DMD: variants seen among roughly 807,000 people sequenced by gnomAD.
DMD encodes the protein dystrophin, also known as mutant dystrophin.
In DMD, 63 loss-of-function variants were observed where a neutral mutation model predicts 330.1. The ratio of observed to expected loss-of-function variants is 0.19; its 90% CI spans 0.16 to 0.24. The LOEUF is 0.24. Among genes scored for constraint, DMD ranks in the 10% least tolerant of loss-of-function variants. DMD has a pLI of 1.00. For synonymous variants in DMD, 1,223 were observed against 959.8 expected, an observed-to-expected ratio of 1.27 and a Z score of -5.07; for missense variants, 3,344 against 2,684.1, an observed-to-expected ratio of 1.25 and a Z score of -5.43.
At position 32,218,097 on chromosome X, in the gene DMD, G is replaced by A. The variant is rs1006398573; in HGVS notation, c.6291-1034C>T. Among the ~76,000 whole-genome samples the A allele has an allele frequency of 2.7e-5, 3 of 111,352 alleles. No individual in the cohort carries two copies. The East Asian group carries it at 8.5e-4, about 31-fold the overall frequency. On this transcript the variant is annotated intron_variant, in intron 43 of 78. Transcript: ENST00000357033. ...CCTTCCAGTCATAAAAGAGACTGAGGCAGAAATAATATGAACCAGGGCTGT... is the reference window on the plus strand; with the variant it reads ...CCTTCCAGTCATAAAAGAGACTGAGACAGAAATAATATGAACCAGGGCTGT...
chrX:32,290,120 C>A (rs2097460435), intron 42 of DMD, among the ~76,000 whole-genome samples: 1 of 111,743 alleles, frequency 8.9e-6, no homozygotes, highest in African/African-American at 3.3e-5. Flanking sequence ...ATAACAACTA[C>A]ATTCTTGCTT....
intron 7 of DMD, among the ~76,000 whole-genome samples, chrX:32,757,362 C>T (rs2071633958): frequency 9.0e-6 from 1 of 111,549 alleles, no homozygotes; most frequent in African/African-American, 3.3e-5. Context: ...GAGACATACA[C>T]ATTCTATCTA....
intron 73 of DMD, 72 bp from the exon 74 acceptor site, chrX:31,169,673 TG>T: frequency 3.1e-6 from 3 of 972,649 alleles, no homozygotes; most frequent in Non-Finnish European, 4.3e-6. Context: ...GACTCAGGAG[TG>T]TATTTGAAAA....
At chrX:32,373,130 T>G (rs1325212634) in intron 34 of DMD, among the ~76,000 whole-genome samples, 1 of 110,449 alleles carries the variant, frequency 9.1e-6, no homozygotes, top group African/African-American at 3.3e-5. Context: ...TTAAATTGTG[T>G]CACGCACCAC....
chrX:32,858,017 T>C (rs368128221), intron 2 of DMD, among the ~76,000 whole-genome samples: 2 of 110,595 alleles, frequency 1.8e-5, no homozygotes, highest in African/African-American at 3.3e-5. Flanking sequence ...AGTGAGGTGA[T>C]AGAGAAACAG....
chrX:32,928,664 T>G (rs745949451), intron 2 of DMD, among the ~76,000 whole-genome samples: 10 of 111,926 alleles, frequency 8.9e-5, no homozygotes, highest in African/African-American at 3.2e-4. Context: ...TTATTCAGAG[T>G]AAAGCAATTG....
At chrX:32,615,382 C>G (rs910744921) in intron 11 of DMD, among the ~76,000 whole-genome samples, 24 of 111,076 alleles carry the variant, frequency 2.2e-4, no homozygotes, top group African/African-American at 7.8e-4. Flanking sequence ...ATTACATTTC[C>G]AGCATCAGGG....
chrX:31,573,133 G>C (rs1302548524), intron 55 of DMD, among the ~76,000 whole-genome samples: 7 of 111,467 alleles, frequency 6.3e-5, no homozygotes, highest in African/African-American at 2.3e-4. Context: ...AATTTAGCTA[G>C]TGGGAGGTTG....
At chrX:32,972,596 A>T in intron 2 of DMD, among the ~76,000 whole-genome samples, 1 of 112,430 alleles carries the variant, frequency 8.9e-6, no homozygotes, top group Non-Finnish European at 1.9e-5. Context: ...ATTTAAAAAC[A>T]AAACTGGGGC....
intron 1 of DMD, among the ~76,000 whole-genome samples, chrX:33,153,189 T>C (rs942782040): frequency 8.0e-5 from 9 of 112,911 alleles, no homozygotes; most frequent in African/African-American, 2.9e-4. Context: ...GGCAGGCGGA[T>C]CACCTAAGGT....
At chrX:31,878,005 G>A (rs748039873) in intron 47 of DMD, among the ~76,000 whole-genome samples, 2 of 111,468 alleles carry the variant, frequency 1.8e-5, no homozygotes, top group African/African-American at 6.5e-5. Flanking sequence ...AATTGTTCAC[G>A]TTTCATTTAG....
At chrX:32,839,080 T>C (rs1020733378) in intron 4 of DMD, among the ~76,000 whole-genome samples, 2 of 111,904 alleles carry the variant, frequency 1.8e-5, no homozygotes, top group East Asian at 2.8e-4. Flanking sequence ...AGTGTTTTTT[T>C]AGTCATTGTC....
At chrX:31,291,961 C>T (rs2053732582) in intron 62 of DMD, among the ~76,000 whole-genome samples, 1 of 110,194 alleles carries the variant, frequency 9.1e-6, no homozygotes, top group African/African-American at 3.3e-5. Flanking sequence ...CACAAAAGGT[C>T]AATTCCAGGT....
At chrX:32,899,673 CAAAAA>C (rs755390925) in intron 2 of DMD, among the ~76,000 whole-genome samples, 1 of 42,699 alleles carries the variant, frequency 2.3e-5, no homozygotes, top group Non-Finnish European at 4.5e-5. Flanking sequence ...GACTCCGTCT[CAAAAA>C]AAAAAAAAAA....
chrX:32,887,745 C>CAAAAAAAAAAAAAAAAAA (rs771100080), intron 2 of DMD, among the ~76,000 whole-genome samples: 3 of 6,493 alleles, frequency 4.6e-4, no homozygotes, highest in Non-Finnish European at 6.2e-4. Context: ...AAGACTGTCT[C>CAAAAAAAAAAAAAAAAAA]AAAAAAAAAA....
At chrX:32,677,673 A>G (rs1052324918) in intron 9 of DMD, among the ~76,000 whole-genome samples, 16 of 111,627 alleles carry the variant, frequency 1.4e-4, no homozygotes, top group African/African-American at 4.5e-4. Flanking sequence ...TAATATTTAC[A>G]TGTTTACTTT....
chrX:31,542,063 C>T (rs1357705876), intron 55 of DMD, among the ~76,000 whole-genome samples: 1 of 111,828 alleles, frequency 8.9e-6, no homozygotes, highest in Non-Finnish European at 1.9e-5. Flanking sequence ...TATGGGACAA[C>T]ACTGTTCTGG....
intron 60 of DMD, among the ~76,000 whole-genome samples, chrX:31,384,173 C>A (rs994573257): frequency 8.9e-6 from 1 of 111,848 alleles, no homozygotes; most frequent in Non-Finnish European, 1.9e-5. Context: ...GCTCCTGTAC[C>A]CACTCACCTG....
At chrX:33,174,010 G>A (rs2049502055) in intron 1 of DMD, among the ~76,000 whole-genome samples, 1 of 87,196 alleles carries the variant, frequency 1.1e-5, no homozygotes, top group African/African-American at 4.3e-5. Context: ...AAAAATTATT[G>A]TATCTATATA....
Sources: allele counts gnomAD v4.1 joint callset (sites outside exome capture counted in the v4.1 genomes callset), GRCh38; gene constraint gnomAD v4.1.1; transcripts MANE v1.5; gene names NCBI Gene and HGNC (gene_info 2026-07-23, HGNC 2026-07-21).